Variants in CPSF7 observed in about 807,000 individuals in gnomAD.
CPSF7 encodes cleavage and polyadenylation specific factor 7.
CPSF7 carries 1 observed loss-of-function variant against 44.3 expected under a neutral mutation model. The ratio of observed to expected loss-of-function variants is 0.02; its 90% CI spans 0.01 to 0.11. The LOEUF is 0.11. Among genes scored for constraint, CPSF7 ranks in the 10% least tolerant of loss-of-function variants. The pLI is 1.00. For synonymous variants in CPSF7, 202 were observed against 222.0 expected (o/e 0.91, Z 0.80); for missense variants, 443 against 607.2 (o/e 0.73, Z 2.84).
intron 2 of CPSF7, 159 bp downstream of exon 2, chr11:61,429,023 T>G: frequency 1.9e-6 from 1 of 518,616 alleles, no homozygotes; most frequent in Non-Finnish European, 3.5e-6. Context: ...TAAAGAGGAA[T>G]GGAGTGTAGT....
intron 5 of CPSF7, 106 bp downstream of exon 5, chr11:61,419,843 C>A: frequency 7.0e-7 from 1 of 1,423,558 alleles, no homozygotes; most frequent in East Asian, 2.3e-5. Flanking sequence ...CCCAAACTCA[C>A]CCACACTGTA....
rs1274184652 is a variant in CPSF7, at chr11:61,404,445, A to G, written c.*265T>C. ...TTCTCTATGGAGACCAGGGGCCTGG[A>G]CATGTTTTCTTCCTGTCTGCCACCC... is the stretch of plus-strand genomic sequence containing the variant. On this transcript the variant is annotated 3_prime_UTR_variant, in exon 10 of 10. Coordinates refer to ENST00000439958, the MANE Select transcript of CPSF7 (RefSeq NM_001142565.3). 1 of 152,582 alleles carries G rather than the reference A, an allele frequency of 6.6e-6. No homozygotes were observed. Among genetic ancestry groups the G allele is most frequent in the East Asian group, 1.9e-4 (1 of 5,192 alleles). 9.5% of individuals were successfully genotyped at this position (152,582 alleles called of 1,614,324 possible). A position where few individuals can be genotyped will look rare whatever the true frequency, so the allele number is the denominator to read the frequency against.
At chr11:61,427,616 G>A (rs529127522) in intron 2 of CPSF7, among the ~76,000 whole-genome samples, 9 of 147,786 alleles carry the variant, frequency 6.1e-5, no homozygotes, top group African/African-American at 2.3e-4. Flanking sequence ...TCGCGCCACT[G>A]CACTCCAGCC....
intron 3 of CPSF7, 107 bp downstream of exon 3, chr11:61,421,283 C>T (rs1189654162): frequency 2.7e-6 from 3 of 1,091,460 alleles, no homozygotes; most frequent in South Asian, 1.3e-5. Flanking sequence ...AGAAATCCAA[C>T]CCCATCAGAG....
At chr11:61,410,527 G>C (rs1378218213) in intron 9 of CPSF7, 10 of 156,024 alleles carry the variant, frequency 6.4e-5, no homozygotes, top group Admixed American at 5.8e-4. Context: ...CTATGTGACA[G>C]GTACCATGAG....
At chr11:61,425,800 C>T (rs1861292089) in intron 2 of CPSF7, among the ~76,000 whole-genome samples, 1 of 152,210 alleles carries the variant, frequency 6.6e-6, no homozygotes, top group African/African-American at 2.4e-5. Context: ...TGTCCACCAC[C>T]CCTACCCACC....
chr11:61,409,935 ACT>A (rs1859699228), intron 9 of CPSF7, among the ~76,000 whole-genome samples: 1 of 151,542 alleles, frequency 6.6e-6, no homozygotes, highest in African/African-American at 2.4e-5. Flanking sequence ...ATGCCACTAT[ACT>A]CCAGCGTGGG....
intron 2 of CPSF7, among the ~76,000 whole-genome samples, chr11:61,427,811 G>A (rs887614594): frequency 3.9e-5 from 6 of 152,254 alleles, no homozygotes; most frequent in African/African-American, 1.4e-4. Context: ...ACATTATTCT[G>A]CTTTTGTGTA....
At chr11:61,417,521 G>GC (rs752394038) in intron 5 of CPSF7, among the ~76,000 whole-genome samples, 2 of 152,208 alleles carry the variant, frequency 1.3e-5, no homozygotes, top group Non-Finnish European at 2.9e-5. Flanking sequence ...GCCACTGGCA[G>GC]CAAGTGTGGA....
intron 2 of CPSF7, among the ~76,000 whole-genome samples, chr11:61,425,597 C>T (rs1459144558): frequency 6.6e-6 from 1 of 152,174 alleles, no homozygotes; most frequent in Non-Finnish European, 1.5e-5. Flanking sequence ...TGTTCCTAAC[C>T]TCCACCCTCT....
At chr11:61,421,931 A>G (rs954014456) in intron 2 of CPSF7, among the ~76,000 whole-genome samples, 2 of 152,360 alleles carry the variant, frequency 1.3e-5, no homozygotes, top group South Asian at 2.1e-4. Context: ...GCTGTTATCA[A>G]TAAGGTCAGC....
intron 5 of CPSF7, among the ~76,000 whole-genome samples, chr11:61,417,491 G>A (rs1860447347): frequency 6.6e-6 from 1 of 152,218 alleles, no homozygotes; most frequent in South Asian, 2.1e-4. Flanking sequence ...GCTTTGGGGG[G>A]GTCTTGGAGA....
chr11:61,422,505 C>T (rs1485651434), intron 2 of CPSF7, among the ~76,000 whole-genome samples: 1 of 152,002 alleles, frequency 6.6e-6, no homozygotes, highest in Non-Finnish European at 1.5e-5. Context: ...TTTGTAGAGA[C>T]AGGGTTTCAC....
chr11:61,429,926 G>T lies in CPSF7; in HGVS notation c.-68C>A. The T allele has an allele frequency of 1.4e-6, 2 of 1,449,726 alleles. No individual in the cohort carries two copies. Among genetic ancestry groups the T allele is most frequent in the Admixed American group, 4.3e-5 (2 of 46,376 alleles). 89.8% of individuals were successfully genotyped at this position (1,449,726 alleles called of 1,614,324 possible). A position where few individuals can be genotyped will look rare whatever the true frequency, so the allele number is the denominator to read the frequency against. On this transcript the variant is annotated 5_prime_UTR_variant, in exon 1 of 10. Transcript: ENST00000439958. ...GCGCCCCCGTTACCGGGAATATGGC[G>T]GCGGCGGCGGCGAGTCCGGACTAGG... is the stretch of plus-strand genomic sequence containing the variant.
intron 2 of CPSF7, among the ~76,000 whole-genome samples, chr11:61,422,847 T>C (rs1191297695): frequency 1.3e-5 from 2 of 152,122 alleles, no homozygotes; most frequent in Non-Finnish European, 2.9e-5. Flanking sequence ...TTTAGGATTT[T>C]ACAGGCTGGG....
At chr11:61,419,535 C>G (rs1239115176) in intron 5 of CPSF7, among the ~76,000 whole-genome samples, 1 of 152,172 alleles carries the variant, frequency 6.6e-6, no homozygotes, top group Non-Finnish European at 1.5e-5. Flanking sequence ...GTGGCTGCTT[C>G]TTGATAATTT....
chr11:61,424,146 A>G (rs908558207), intron 2 of CPSF7, among the ~76,000 whole-genome samples: 2 of 152,216 alleles, frequency 1.3e-5, no homozygotes, highest in Non-Finnish European at 2.9e-5. Flanking sequence ...AGGATTGTGC[A>G]TAAAAAGGGT....
intron 1 of CPSF7, 179 bp from the exon 2 acceptor site, chr11:61,429,469 G>T: frequency 2.0e-6 from 1 of 504,102 alleles, no homozygotes; most frequent in Non-Finnish European, 3.4e-6. Context: ...AGGCCGCCGG[G>T]GGTCGCTGCC....
intron 2 of CPSF7, among the ~76,000 whole-genome samples, chr11:61,427,820 T>C (rs1334830985): frequency 1.3e-5 from 2 of 152,236 alleles, no homozygotes; most frequent in African/African-American, 4.8e-5. Context: ...TGCTTTTGTG[T>C]ATGGTTTATA....
Sources: gnomAD v4.1 joint callset for allele counts (sites outside exome capture counted in the v4.1 genomes callset) on GRCh38, gnomAD v4.1.1 for gene constraint, MANE v1.5 for transcripts, NCBI Gene and HGNC (gene_info 2026-07-23, HGNC 2026-07-21) for gene names.